Variants in FGD6 observed in about 807,000 individuals in gnomAD.
FGD6 encodes FYVE, RhoGEF and PH domain-containing protein 6.
A neutral mutation model predicts 149.4 loss-of-function variants in FGD6; 90 were observed. That is an observed-to-expected ratio of 0.60 (90% CI 0.51 to 0.72). FGD6 has a LOEUF of 0.72. Among genes scored for constraint, FGD6 ranks in the 30% least tolerant of loss-of-function variants. The probability of loss-of-function intolerance (pLI) is 0.00; values close to 1 mark genes in which losing one functional copy is unlikely to be tolerated. For missense variants in FGD6, 1,437 were observed against 1,684.8 expected (o/e 0.85, Z 2.57); for synonymous variants, 527 against 584.0 (o/e 0.90, Z 1.41).
Position 95,217,351 on chromosome 12 carries a change from T to A in FGD6, c.-111A>T. 1.5e-6 allele frequency: 2 copies of A among 1,377,614 alleles called. No homozygotes were observed. Among genetic ancestry groups the A allele is most frequent in the Admixed American group, 6.1e-5 (2 of 32,932 alleles). The allele number at this position is 1,377,614 out of a possible 1,614,324, so 85.3% of individuals were successfully genotyped here. A position where few individuals can be genotyped will look rare whatever the true frequency, so the allele number is the denominator to read the frequency against. On this transcript the variant is annotated 5_prime_UTR_variant, in exon 1 of 21. The change abolishes an upstream ATG in the 5' untranslated region. Transcript: ENST00000343958. The stretch of plus-strand genomic sequence containing the variant: ...GAGAAAAGCCCCCGCAGCGCCCACA[T>A]TCCGTCCCGCCGCCCCGCGGCGCAG...
Position 95,149,330 on chromosome 12 carries a change from A to ATTATATAATATATAGC in FGD6, c.2685+3480_2685+3481insGCTATATATTATATAA, listed in dbSNP as rs763461779. 1.3e-3 allele frequency among the ~76,000 whole-genome samples: 115 copies of ATTATATAATATATAGC among 90,576 alleles called. 8 individuals carry two copies. The East Asian group carries it at 0.03, about 24-fold the overall frequency. 59.4% of individuals were successfully genotyped at this position (90,576 alleles called of 152,430 possible). On this transcript the variant is annotated intron_variant, in intron 5 of 20. Transcript: ENST00000343958. The stretch of plus-strand genomic sequence containing the variant: ...TTATATTATATAGCATATATTATAT[A>ATTATATAATATATAGC]ATATATTATATAATATATAGCATAT...
intron 5 of FGD6, among the ~76,000 whole-genome samples, chr12:95,149,993 T>TACACACACACACACACAC (rs10652699): frequency 3.0e-5 from 4 of 132,000 alleles, no homozygotes; most frequent in African/African-American, 8.6e-5. Flanking sequence ...TGCTATATAT[T>TACACACACACACACACAC]ACACACACAC....
intron 18 of FGD6, among the ~76,000 whole-genome samples, chr12:95,087,131 A>G (rs1166384000): frequency 6.6e-6 from 1 of 152,082 alleles, no homozygotes; most frequent in African/African-American, 2.4e-5. Flanking sequence ...TGCCTGGCCT[A>G]TTGACTCTAA....
Position 95,134,734 on chromosome 12 carries a change from C to T in FGD6, c.3082+5G>A, listed in dbSNP as rs1226597028. The T allele has an allele frequency of 1.2e-6, 2 of 1,612,890 alleles. No homozygotes were observed. Among genetic ancestry groups the T allele is most frequent in the Non-Finnish European group, 1.7e-6 (2 of 1,179,648 alleles). ...GGTGGTTGGCAAAATGCTGGAGAAG[C>T]CCACCTGTCAGCAACAGCCTGTACT... On this transcript the variant is annotated splice_donor_5th_base_variant and intron_variant, in intron 8 of 20. Transcript: ENST00000343958.
chr12:95,150,957 G>C (rs1354678323), intron 5 of FGD6, among the ~76,000 whole-genome samples: 1 of 151,912 alleles, frequency 6.6e-6, no homozygotes. Context: ...TTAGCCTGGC[G>C]TGGTGGATGG....
chr12:95,083,918 T>C (rs1346643068), intron 20 of FGD6, among the ~76,000 whole-genome samples: 1 of 152,230 alleles, frequency 6.6e-6, no homozygotes, highest in Non-Finnish European at 1.5e-5. Flanking sequence ...ATCTCTATGT[T>C]AAGCAAACTG....
intron 3 of FGD6, among the ~76,000 whole-genome samples, chr12:95,170,361 C>A (rs905685806): frequency 6.6e-6 from 1 of 152,134 alleles, no homozygotes; most frequent in Non-Finnish European, 1.5e-5. Flanking sequence ...ATAGGCTAGG[C>A]CGGGCAGGGT....
At chr12:95,172,038 G>GTC (rs1555221385) in intron 3 of FGD6, among the ~76,000 whole-genome samples, 23 of 136,648 alleles carry the variant, frequency 1.7e-4, no homozygotes, top group East Asian at 1.1e-3. Context: ...AATTCTAAGG[G>GTC]GGGGGGGGTT....
At chr12:95,127,886 T>A (rs1395817768) in intron 8 of FGD6, among the ~76,000 whole-genome samples, 1 of 152,222 alleles carries the variant, frequency 6.6e-6, no homozygotes, top group Non-Finnish European at 1.5e-5. Flanking sequence ...AGAGGAATTT[T>A]AAAATTCCTG....
chr12:95,113,728 A>G (rs763133810), intron 8 of FGD6, 27 bp from the exon 9 acceptor site: 1 of 1,469,926 alleles, frequency 6.8e-7, no homozygotes, highest in Non-Finnish European at 9.4e-7. Context: ...AAAAGTATTT[A>G]AGTACAATAA....
chr12:95,109,010 A>G (rs1387001793), intron 9 of FGD6, among the ~76,000 whole-genome samples: 5 of 152,218 alleles, frequency 3.3e-5, no homozygotes, highest in Non-Finnish European at 7.3e-5. Context: ...TAAAAACTAC[A>G]AGAAATGACT....
At chr12:95,196,837 A>G (rs905926524) in intron 2 of FGD6, among the ~76,000 whole-genome samples, 3 of 150,812 alleles carry the variant, frequency 2.0e-5, no homozygotes, top group Admixed American at 6.6e-5. Flanking sequence ...ACAAGGTCTC[A>G]CTATATTGCC....
At chr12:95,135,835 C>T (rs1272178984) in intron 7 of FGD6, among the ~76,000 whole-genome samples, 4 of 152,178 alleles carry the variant, frequency 2.6e-5, no homozygotes, top group African/African-American at 9.7e-5. Flanking sequence ...TACTAATTCT[C>T]CTGGCCTTAT....
At chr12:95,214,493 T>C (rs554139695) in intron 1 of FGD6, among the ~76,000 whole-genome samples, 80 of 152,326 alleles carry the variant, frequency 5.3e-4, no homozygotes, top group African/African-American at 1.8e-3. Flanking sequence ...GCCATTATAT[T>C]ATGGTCTACT....
At chr12:95,164,458 CTT>C (rs978645832) in intron 3 of FGD6, among the ~76,000 whole-genome samples, 4 of 151,894 alleles carry the variant, frequency 2.6e-5, no homozygotes, top group African/African-American at 9.7e-5. Context: ...GAGACAGAGT[CTT>C]GCTCTATCAC....
At chr12:95,089,759 A>T in intron 17 of FGD6, 63 bp from the exon 18 acceptor site, 1 of 1,590,374 alleles carries the variant, frequency 6.3e-7, no homozygotes, top group Non-Finnish European at 8.6e-7. Flanking sequence ...AATTTCATTC[A>T]AATCCATAAA....
intron 3 of FGD6, among the ~76,000 whole-genome samples, chr12:95,166,700 C>T (rs997656173): frequency 4.0e-5 from 6 of 151,798 alleles, no homozygotes; most frequent in African/African-American, 1.5e-4. Context: ...GAGACCCCAT[C>T]TCAAAAAAAA....
chr12:95,137,426 T>A (rs1194331586), intron 7 of FGD6, 96 bp downstream of exon 7: 8 of 1,146,742 alleles, frequency 7.0e-6, no homozygotes, highest in Middle Eastern at 2.1e-4. Context: ...ACTTTTTCTT[T>A]GTTTGCAAGC....
chr12:95,166,805 G>C (rs1880832470), intron 3 of FGD6, among the ~76,000 whole-genome samples: 1 of 150,564 alleles, frequency 6.6e-6, no homozygotes, highest in Non-Finnish European at 1.5e-5. Context: ...GGAATATAAA[G>C]CATTTAGTTT....
Sources: gnomAD v4.1 joint callset for allele counts (sites outside exome capture counted in the v4.1 genomes callset) on GRCh38, gnomAD v4.1.1 for gene constraint, MANE v1.5 for transcripts, NCBI Gene and HGNC (gene_info 2026-07-23, HGNC 2026-07-21) for gene names.